The following USH2A variants were observed in gnomAD, a reference collection of about 807,000 sequenced individuals.
USH2A encodes the protein usherin, also known as Usher syndrome 2A (autosomal recessive, mild).
Under a neutral mutation model 538.9 loss-of-function variants are expected in USH2A, and 443 were observed. The observed-to-expected ratio is 0.82, with a 90% CI of 0.76 to 0.89. USH2A has a LOEUF of 0.89. Among genes scored for constraint, USH2A ranks in the 40% least tolerant of loss-of-function variants. USH2A has a pLI of 0.00. For synonymous variants in USH2A, 2,413 were observed against 2,273.5 expected (o/e 1.06, Z -1.75); for missense variants, 6,633 against 6,324.8 (o/e 1.05, Z -1.65).
chr1:216,162,048 G>T (rs564145839), intron 21 of USH2A, among the ~76,000 whole-genome samples: 3 of 151,774 alleles, frequency 2.0e-5, no homozygotes, highest in African/African-American at 4.8e-5. Context: ...CCCTCCTTAT[G>T]GTTTGCTAAA....
chr1:215,806,192 T>A (rs1393378679), intron 49 of USH2A, among the ~76,000 whole-genome samples: 1 of 152,130 alleles, frequency 6.6e-6, no homozygotes, highest in Non-Finnish European at 1.5e-5. Context: ...TAACCAAATG[T>A]CTCAGCGGTA....
In USH2A at chr1:215,888,527, C is replaced by T; in HGVS notation, c.8122G>A (p.Gly2708Ser). Residue 2708 changes from glycine (G) to serine (S), a missense_variant, in exon 41 of 72, where the codon GGC becomes AGC. Gly to Ser is a moderately conservative substitution (Grantham distance 56, BLOSUM62 0). Transcript: ENST00000307340. ...YRVLMSTLHGGTNSSAWVEVT... is the reference protein window; with the variant it reads ...YRVLMSTLHGSTNSSAWVEVT... ...TCTACCCAAGCACTGCTGTTTGTGC[C>T]TCCATGAAGAGTGCTCATCAGTACC... The T allele has an allele frequency of 6.2e-7, 1 of 1,614,162 alleles. No homozygotes were observed. Among genetic ancestry groups the T allele is most frequent in the African/African-American group, 1.3e-5 (1 of 75,058 alleles).
chr1:216,395,007 C>T (rs913392860), intron 3 of USH2A, among the ~76,000 whole-genome samples: 12 of 152,212 alleles, frequency 7.9e-5, no homozygotes, highest in East Asian at 1.9e-4. Flanking sequence ...CGTGAGCCAC[C>T]GCGCCCAGCC....
chr1:216,248,270 A>G (rs1441568192), intron 12 of USH2A, among the ~76,000 whole-genome samples: 1 of 152,076 alleles, frequency 6.6e-6, no homozygotes, highest in Non-Finnish European at 1.5e-5. Context: ...AATCTCTGAC[A>G]AGTAAGGTTA....
intron 61 of USH2A, among the ~76,000 whole-genome samples, chr1:215,681,375 G>A (rs944503432): frequency 6.6e-5 from 10 of 151,556 alleles, no homozygotes; most frequent in South Asian, 2.1e-4. Flanking sequence ...TTTCTGTTGC[G>A]TACCATCCCC....
At chr1:215,943,688 A>G (rs769885661) in intron 37 of USH2A, among the ~76,000 whole-genome samples, 1 of 152,104 alleles carries the variant, frequency 6.6e-6, no homozygotes, top group Non-Finnish European at 1.5e-5. Flanking sequence ...TTGAGAATCC[A>G]GAAGTAGAGT....
rs1168067323 is a variant in USH2A, at chr1:216,272,706, G to A, written c.1971+16574C>T. ...AAAAATGCTGGTGCTGGGGTGGGCAGAGGAAAAATTATGTTTGTGTAATTG... is the reference window on the plus strand; with the variant it reads ...AAAAATGCTGGTGCTGGGGTGGGCAAAGGAAAAATTATGTTTGTGTAATTG... On this transcript the variant is annotated intron_variant, in intron 11 of 71. Transcript: ENST00000307340. 7.2e-5 allele frequency among the ~76,000 whole-genome samples: 11 copies of A among 152,072 alleles called. No individual in the cohort carries two copies. The South Asian group carries it at 2.3e-3, about 31-fold the overall frequency.
chr1:216,049,757 G>A (rs1465415799), intron 30 of USH2A, among the ~76,000 whole-genome samples: 1 of 152,098 alleles, frequency 6.6e-6, no homozygotes, highest in Non-Finnish European at 1.5e-5. Context: ...CCAGGATGGA[G>A]CAAAGACCAG....
At chr1:215,973,370 G>A (rs1480088647) in intron 35 of USH2A, among the ~76,000 whole-genome samples, 1 of 152,044 alleles carries the variant, frequency 6.6e-6, no homozygotes, top group Non-Finnish European at 1.5e-5. Context: ...CACTTTTGAA[G>A]GAAATCCTTC....
rs1181117335 is a variant in USH2A at position 215,900,910 on chromosome 1, C to G, written c.7301-5G>C. On this transcript the variant is annotated splice_region_variant and splice_polypyrimidine_tract_variant and intron_variant, in intron 38 of 71. Transcript: ENST00000307340. ...GAGGCAGCACGCCATCTGGAGCTGT[C>G]GAAAAACACAGATGAATTAGAGCAG... The G allele has an allele frequency of 6.2e-7, 1 of 1,613,060 alleles. No individual in the cohort carries two copies. The highest frequency in any genetic ancestry group is 1.3e-5 in the African/African-American group (1 of 74,942).
intron 9 of USH2A, 81 bp from the exon 10 acceptor site, chr1:216,292,451 C>G: frequency 1.4e-6 from 2 of 1,446,356 alleles, no homozygotes; most frequent in Non-Finnish European, 1.9e-6. Context: ...GGCCTTTCAC[C>G]AGAAGTAAAG....
At chr1:215,714,037 G>T (rs1213624311) in intron 61 of USH2A, among the ~76,000 whole-genome samples, 2 of 152,128 alleles carry the variant, frequency 1.3e-5, no homozygotes, top group Admixed American at 1.3e-4. Context: ...GAAATAAGAT[G>T]GCATGTGTAA....
chr1:215,893,676 C>A (rs937359815), intron 40 of USH2A, among the ~76,000 whole-genome samples: 1 of 152,062 alleles, frequency 6.6e-6, no homozygotes, highest in Non-Finnish European at 1.5e-5. Flanking sequence ...ATTACTTTCA[C>A]CTGCAGTCTT....
At position 215,634,684 on chromosome 1, in the gene USH2A, A is replaced by C; in HGVS notation, c.15072T>G (p.Pro5024=). Residue 5024 remains proline (P), a synonymous_variant, in exon 70 of 72, where the codon CCT becomes CCG. Coordinates refer to ENST00000307340, the MANE Select transcript of USH2A (RefSeq NM_206933.4). ...STGLGLVLTT[P]GKKKGSRSKS... ...TGCTCCGCGATCCCTTCTTTTTCCCAGGAGTTGTTAGGACCAAGCCTGCAA... is the reference window on the plus strand; with the variant it reads ...TGCTCCGCGATCCCTTCTTTTTCCCCGGAGTTGTTAGGACCAAGCCTGCAA... The C allele has an allele frequency of 6.2e-7, 1 of 1,614,196 alleles. No homozygotes were observed. The highest frequency in any genetic ancestry group is 1.3e-5 in the African/African-American group (1 of 75,050).
chr1:215,888,638 T>C lies in USH2A; in HGVS notation c.8011A>G (p.Thr2671Ala). The change falls in exon 41 of 72, where the codon ACC (threonine) becomes GCC (alanine). Residue 2671 changes from threonine (T) to alanine (A), a missense_variant. Transcript: ENST00000307340. The stretch of plus-strand genomic sequence containing the variant: ...TGACTCCTCGGGAGAGTCACCAGGG[T>C]AGTAACTTCTTCCTTTCCTTTGACT... ...RRVKGKEEVTTLVTLPRSHSM... is the reference protein window; with the variant it reads ...RRVKGKEEVTALVTLPRSHSM... 1 of 1,614,144 alleles carries C rather than the reference T, an allele frequency of 6.2e-7. No individual in the cohort carries two copies. The highest frequency in any genetic ancestry group is 8.5e-7 in the Non-Finnish European group (1 of 1,180,010).
chr1:216,124,511 T>C (rs186923556), intron 21 of USH2A, among the ~76,000 whole-genome samples: 3 of 151,880 alleles, frequency 2.0e-5, no homozygotes, highest in African/African-American at 7.3e-5. Context: ...CCCCTCCAGA[T>C]AGAAATACAA....
At chr1:215,629,143 G>T in intron 70 of USH2A, 108 bp from the exon 71 acceptor site, 1 of 1,179,648 alleles carries the variant, frequency 8.5e-7, no homozygotes, top group South Asian at 1.3e-5. Context: ...ACTGTCTCCT[G>T]ACAATTGTCA....
chr1:215,978,208 C>A (rs1359848040), intron 35 of USH2A, among the ~76,000 whole-genome samples: 1 of 152,176 alleles, frequency 6.6e-6, no homozygotes, highest in Admixed American at 6.5e-5. Flanking sequence ...TTTTCTTTAA[C>A]ACTGACAACT....
At chr1:216,051,951 T>C (rs1466375277) in intron 30 of USH2A, among the ~76,000 whole-genome samples, 12 of 152,208 alleles carry the variant, frequency 7.9e-5, no homozygotes, top group Non-Finnish European at 1.5e-5. Flanking sequence ...AGGAAGGGTA[T>C]TCTATAGACT....
Sources: gnomAD v4.1 joint callset for allele counts (sites outside exome capture counted in the v4.1 genomes callset) on GRCh38, gnomAD v4.1.1 for gene constraint, MANE v1.5 for transcripts, NCBI Gene and HGNC (gene_info 2026-07-23, HGNC 2026-07-21) for gene names.